The following NUP98 variants were observed in gnomAD, a reference collection of about 807,000 sequenced individuals.
The protein encoded by NUP98 is nuclear pore complex protein Nup98-Nup96.
A neutral mutation model predicts 191.9 loss-of-function variants in NUP98; 26 were observed. That is an observed-to-expected ratio of 0.14 (90% CI 0.10 to 0.19). The LOEUF is 0.19. NUP98 is among the 10% of genes least tolerant of loss of function. The probability of loss-of-function intolerance (pLI) is 1.00; values close to 1 mark genes in which losing one functional copy is unlikely to be tolerated. For synonymous variants in NUP98, 808 were observed against 778.4 expected (o/e 1.04, Z -0.63); for missense variants, 1,941 against 2,178.8 (o/e 0.89, Z 2.17).
chr11:3,695,541 T>C lies in NUP98; in HGVS notation c.4075A>G (p.Thr1359Ala). Residue 1359 changes from threonine to alanine, a missense_variant, in exon 26 of 33, where the codon ACC (threonine) becomes GCC (alanine). Coordinates refer to ENST00000324932, the MANE Select transcript of NUP98 (RefSeq NM_016320.5). ...TGATGCCAGTCCACCAACTGCATGGTGAGCAGCTCCCGGACTGACTGGCTA... is the reference window on the plus strand; with the variant it reads ...TGATGCCAGTCCACCAACTGCATGGCGAGCAGCTCCCGGACTGACTGGCTA... ...VGSQSVRELL[T>A]MQLVDWHQLQ... 1 of 1,611,288 alleles carries C rather than the reference T, an allele frequency of 6.2e-7. No homozygotes were observed. Among genetic ancestry groups the C allele is most frequent in the Non-Finnish European group, 8.5e-7 (1 of 1,178,728 alleles).
At chr11:3,733,741 T>C (rs2134296068) in intron 13 of NUP98, among the ~76,000 whole-genome samples, 2 of 152,356 alleles carry the variant, frequency 1.3e-5, no homozygotes, top group Middle Eastern at 6.8e-3. Context: ...CATTCGTCAT[T>C]GATAGACACT....
At chr11:3,778,192 C>T (rs975973010) in intron 4 of NUP98, among the ~76,000 whole-genome samples, 1 of 125,460 alleles carries the variant, frequency 8.0e-6, no homozygotes, top group Non-Finnish European at 1.6e-5. Flanking sequence ...GAGCGAGACT[C>T]CATCTCAAAA....
At chr11:3,682,530 A>G (rs2078013833) in intron 30 of NUP98, among the ~76,000 whole-genome samples, 1 of 152,236 alleles carries the variant, frequency 6.6e-6, no homozygotes, top group Non-Finnish European at 1.5e-5. Context: ...AGAGGGAAAG[A>G]GATGGGGATG....
rs36063275 is a variant in NUP98 at position 3,679,122 on chromosome 11, C to CAA, written c.5073+430_5073+431dup. 9.4e-3 allele frequency among the ~76,000 whole-genome samples: 907 copies of CAA among 96,878 alleles called. 1 individual carries two copies. The highest frequency in any genetic ancestry group is 0.017 in the African/African-American group (407 of 24,158). 63.6% of individuals were successfully genotyped at this position (96,878 alleles called of 152,430 possible). A position where few individuals can be genotyped will look rare whatever the true frequency, so the allele number is the denominator to read the frequency against. ...TGGATGACAGAGCAAGACTCTGTTC[C>CAA]AAAAAAAAAAAAAAAAAAAAAACTG... On this transcript the variant is annotated intron_variant, in intron 31 of 32. Coordinates refer to ENST00000324932, the MANE Select transcript of NUP98 (RefSeq NM_016320.5).
In NUP98 at chr11:3,685,832, T is replaced by C. The variant is rs552332460; in HGVS notation, c.4676+141A>G. On this transcript the variant is annotated intron_variant, in intron 29 of 32. Coordinates refer to ENST00000324932, the MANE Select transcript of NUP98 (RefSeq NM_016320.5). ...AAACAGTCTAGGCTAAGGGTTTAAC[T>C]ATCTTGAGGTTTATCACAACGCTGG... The C allele has an allele frequency of 9.0e-5, 60 of 666,188 alleles. No homozygotes were observed. In the African/African-American group the frequency reaches 1.1e-3, roughly 12 times the overall value. 41.3% of individuals were successfully genotyped at this position (666,188 alleles called of 1,614,324 possible).
At chr11:3,691,554 TTTC>T (rs1382631166) in intron 27 of NUP98, 65 bp from the exon 28 acceptor site, 53 of 1,522,472 alleles carry the variant, frequency 3.5e-5, no homozygotes, top group African/African-American at 1.3e-4. Flanking sequence ...TGCCATTATG[TTTC>T]TTCTTTTTTT....
At chr11:3,687,820 G>C (rs975026621) in intron 28 of NUP98, among the ~76,000 whole-genome samples, 1 of 152,084 alleles carries the variant, frequency 6.6e-6, no homozygotes, top group Admixed American at 6.6e-5. Context: ...CCAGCACTTT[G>C]GGAAGCCAAG....
At chr11:3,775,664 T>G (rs1732919711) in intron 5 of NUP98, among the ~76,000 whole-genome samples, 1 of 152,184 alleles carries the variant, frequency 6.6e-6, no homozygotes, top group Non-Finnish European at 1.5e-5. Flanking sequence ...AATACAAATT[T>G]TATTGGGATG....
At chr11:3,711,682 G>C (rs2134163355) in intron 20 of NUP98, 2 of 225,544 alleles carry the variant, frequency 8.9e-6, no homozygotes, top group East Asian at 8.7e-5. Context: ...CAAGTCTATA[G>C]CATTTCATTT....
At chr11:3,793,741 C>T (rs943921586) in intron 1 of NUP98, among the ~76,000 whole-genome samples, 2 of 151,838 alleles carry the variant, frequency 1.3e-5, no homozygotes, top group African/African-American at 4.8e-5. Flanking sequence ...GAGGCCAAAG[C>T]GGGTGGATTG....
At chr11:3,738,100 A>C (rs1218751751) in intron 12 of NUP98, among the ~76,000 whole-genome samples, 2 of 150,520 alleles carry the variant, frequency 1.3e-5, no homozygotes, top group African/African-American at 4.8e-5. Flanking sequence ...AAAAAAAAAA[A>C]AAAAAAACCA....
intron 11 of NUP98, among the ~76,000 whole-genome samples, chr11:3,747,807 T>C (rs886506931): frequency 5.9e-5 from 9 of 152,216 alleles, no homozygotes; most frequent in African/African-American, 2.2e-4. Context: ...AGTGCTAGTC[T>C]ACCTGTTAAA....
At chr11:3,729,543 C>CAAAAA (rs36045405) in intron 14 of NUP98, among the ~76,000 whole-genome samples, 29 of 55,746 alleles carry the variant, frequency 5.2e-4, no homozygotes, top group African/African-American at 8.3e-4. Flanking sequence ...CCTGTATCTC[C>CAAAAA]AAAAAAAAAA....
intron 13 of NUP98, among the ~76,000 whole-genome samples, chr11:3,734,389 A>G (rs1388841915): frequency 1.3e-5 from 2 of 152,240 alleles, no homozygotes; most frequent in Non-Finnish European, 2.9e-5. Context: ...TGAGGGATAC[A>G]TGTAATCACA....
chr11:3,760,448 G>T (rs2081126596), intron 10 of NUP98, 91 bp downstream of exon 10: 1 of 1,572,764 alleles, frequency 6.4e-7, no homozygotes, highest in Non-Finnish European at 8.8e-7. Context: ...GGTATAGTCA[G>T]TGTAACTTTA....
chr11:3,742,950 T>C (rs1474790347), intron 12 of NUP98, among the ~76,000 whole-genome samples: 1 of 152,164 alleles, frequency 6.6e-6, no homozygotes, highest in African/African-American at 2.4e-5. Context: ...TTTATCTCAG[T>C]TACTCTGTTT....
chr11:3,753,234 T>A (rs2080832167), intron 11 of NUP98, 82 bp downstream of exon 11: 1 of 1,171,928 alleles, frequency 8.5e-7, no homozygotes, highest in East Asian at 2.3e-5. Flanking sequence ...TCCAGTAACA[T>A]AATCAAACAG....
In NUP98 at chr11:3,784,605, A is replaced by AAAC. The variant is rs1554904743; in HGVS notation, c.-28-2461_-28-2460insGTT. On this transcript the variant is annotated intron_variant, in intron 1 of 32. Transcript: ENST00000324932. Reference sequence around the variant, plus strand: ...AAAAACAAAAAAAAAACAAAAAAAAACAAAAAACATGGTGCACACCTGTAC... The same window carrying AAAC: ...AAAAACAAAAAAAAAACAAAAAAAAAAACCAAAAAACATGGTGCACACCTGTAC... Among the ~76,000 whole-genome samples, 141 of 141,988 alleles carry AAAC rather than the reference A, an allele frequency of 9.9e-4. 2 individuals carry two copies. Among genetic ancestry groups the AAAC allele is most frequent in the African/African-American group, 2.7e-3 (105 of 38,890 alleles). 93.1% of individuals were successfully genotyped at this position (141,988 alleles called of 152,430 possible). A position where few individuals can be genotyped will look rare whatever the true frequency, so the allele number is the denominator to read the frequency against.
At position 3,697,382 on chromosome 11, in the gene NUP98, CA is replaced by C. The variant is rs1277182645; in HGVS notation, c.4009+1699del. ...TTGTTCCTTATAATCCCAAAAGTGG[CA>C]AAACTCTTCAAAATAAATCCAGTCG... On this transcript the variant is annotated intron_variant, in intron 25 of 32. Coordinates refer to ENST00000324932, the MANE Select transcript of NUP98 (RefSeq NM_016320.5). 4 of 152,208 alleles carry C rather than the reference CA, an allele frequency of 2.6e-5. No individual in the cohort carries two copies. In the East Asian group the frequency reaches 7.7e-4, roughly 29 times the overall value. 9.4% of individuals were successfully genotyped at this position (152,208 alleles called of 1,614,324 possible).
Sources: allele counts gnomAD v4.1 joint callset (sites outside exome capture counted in the v4.1 genomes callset), GRCh38; gene constraint gnomAD v4.1.1; transcripts MANE v1.5; gene names NCBI Gene and HGNC (gene_info 2026-07-23, HGNC 2026-07-21).